Variants in GADL1 observed in about 807,000 individuals in gnomAD.
GADL1 encodes the protein GAD like acidic amino acid decarboxylase 1.
A neutral mutation model predicts 69.5 loss-of-function variants in GADL1; 71 were observed. The ratio of observed to expected loss-of-function variants is 1.02; its 90% confidence interval spans 0.84 to 1.25. The LOEUF (loss-of-function observed/expected upper bound fraction) is 1.25. Ranked by LOEUF, GADL1 falls within the 50% of genes most tolerant of loss-of-function variation. The probability of loss-of-function intolerance (pLI) is 0.00; values close to 1 mark genes in which losing one functional copy is unlikely to be tolerated. For synonymous variants in GADL1, 254 were observed against 214.4 expected (o/e 1.18, Z -1.62); for missense variants, 737 against 631.8 (o/e 1.17, Z -1.79).
chr3:30,866,715 C>T (rs1244871475), intron 1 of GADL1, among the ~76,000 whole-genome samples: 2 of 151,970 alleles, frequency 1.3e-5, no homozygotes, highest in African/African-American at 4.8e-5. Flanking sequence ...GTAGTTCAGC[C>T]CACACTGGGT....
At chr3:30,822,390 C>A (rs188155372) in intron 11 of GADL1, among the ~76,000 whole-genome samples, 430 of 152,036 alleles carry the variant, frequency 2.8e-3, no homozygotes, top group Admixed American at 5.5e-3. Context: ...CTGAGCTGGG[C>A]TGAAGGTGCT....
intron 13 of GADL1, among the ~76,000 whole-genome samples, chr3:30,778,474 G>C (rs968393070): frequency 7.9e-5 from 12 of 152,178 alleles, no homozygotes; most frequent in African/African-American, 2.9e-4. Flanking sequence ...GCACCTAGCA[G>C]GTTCTCTTTC....
intron 8 of GADL1, among the ~76,000 whole-genome samples, chr3:30,840,373 A>G (rs1235259138): frequency 1.3e-5 from 2 of 152,140 alleles, no homozygotes; most frequent in Non-Finnish European, 2.9e-5. Context: ...TCCATTTGCC[A>G]TCTTGGGAGA....
intron 11 of GADL1, among the ~76,000 whole-genome samples, chr3:30,825,237 ATAAG>A: frequency 6.6e-6 from 1 of 152,126 alleles, no homozygotes; most frequent in African/African-American, 2.4e-5. Flanking sequence ...TACTTAAAAA[ATAAG>A]CTTGCTATTT....
intron 14 of GADL1, among the ~76,000 whole-genome samples, chr3:30,763,255 T>C (rs944150295): frequency 6.6e-6 from 1 of 152,050 alleles, no homozygotes; most frequent in African/African-American, 2.4e-5. Context: ...TCCCAGCACT[T>C]TGGGAGTCCG....
chr3:30,775,401 T>A (rs1051397737), intron 14 of GADL1, among the ~76,000 whole-genome samples: 2 of 152,262 alleles, frequency 1.3e-5, no homozygotes. Flanking sequence ...CTACAGGTTA[T>A]AAATCATATA....
At chr3:30,788,591 G>A (rs1252316333) in intron 12 of GADL1, among the ~76,000 whole-genome samples, 1 of 152,130 alleles carries the variant, frequency 6.6e-6, no homozygotes, top group East Asian at 1.9e-4. Flanking sequence ...GCCTGACTCT[G>A]CTTTCACAAA....
intron 3 of GADL1, 128 bp downstream of exon 3, chr3:30,856,887 T>A: frequency 1.4e-6 from 1 of 725,784 alleles, no homozygotes; most frequent in Non-Finnish European, 2.2e-6. Flanking sequence ...TGCAAAAACA[T>A]CAGAACTACT....
chr3:30,808,553 T>C (rs1405176821), intron 11 of GADL1, among the ~76,000 whole-genome samples: 5 of 151,506 alleles, frequency 3.3e-5, no homozygotes, highest in Admixed American at 3.3e-4. Flanking sequence ...TGCTAAAGTA[T>C]AGGTCAATAC....
intron 14 of GADL1, among the ~76,000 whole-genome samples, chr3:30,728,985 T>C (rs965321861): frequency 2.0e-5 from 3 of 152,316 alleles, no homozygotes; most frequent in East Asian, 1.9e-4. Context: ...TAATAGAACA[T>C]GTATTTTTCA....
At chr3:30,786,919 G>T (rs578084396) in intron 12 of GADL1, among the ~76,000 whole-genome samples, 28 of 152,202 alleles carry the variant, frequency 1.8e-4, no homozygotes, top group African/African-American at 6.5e-4. Context: ...AAAGTAGGCT[G>T]ATTATCCTCA....
At chr3:30,807,747 G>A (rs996324290) in intron 11 of GADL1, among the ~76,000 whole-genome samples, 13 of 152,106 alleles carry the variant, frequency 8.5e-5, no homozygotes, top group Admixed American at 7.9e-4. Flanking sequence ...GTGAATGTGC[G>A]GCCGGGTGCA....
chr3:30,747,974 G>A lies in GADL1; in HGVS notation c.1393-19559C>T, dbSNP rs980126674. On this transcript the variant is annotated intron_variant, in intron 14 of 14. Transcript: ENST00000282538. ...TGAAACCATTCAATGGCTGAAAAATGCTTCCTGTCTGAATTAACCCCCCAA... is the reference window on the plus strand; with the variant it reads ...TGAAACCATTCAATGGCTGAAAAATACTTCCTGTCTGAATTAACCCCCCAA... Among the ~76,000 whole-genome samples, 5 of 152,192 alleles carry A rather than the reference G, an allele frequency of 3.3e-5. No homozygotes were observed. In the East Asian group the frequency reaches 9.6e-4, roughly 29 times the overall value.
intron 11 of GADL1, among the ~76,000 whole-genome samples, chr3:30,810,598 C>T (rs527598969): frequency 4.6e-5 from 7 of 152,128 alleles, no homozygotes; most frequent in East Asian, 1.9e-4. Context: ...TATTGCTTTA[C>T]GTAATAAGTT....
intron 14 of GADL1, among the ~76,000 whole-genome samples, chr3:30,753,713 T>G (rs1695892172): frequency 6.6e-6 from 1 of 152,158 alleles, no homozygotes; most frequent in South Asian, 2.1e-4. Flanking sequence ...GTGAATCCAG[T>G]GGGCACAAGT....
chr3:30,861,401 A>G (rs151172442), intron 2 of GADL1, among the ~76,000 whole-genome samples, 192 bp downstream of exon 2: 3 of 151,892 alleles, frequency 2.0e-5, no homozygotes, highest in African/African-American at 7.2e-5. Context: ...CAGAGTAAGG[A>G]GGCAACCCTT....
chr3:30,859,746 TCTGCAGG>T lies in GADL1; in HGVS notation c.210+1840_210+1846del, dbSNP rs898845167. On this transcript the variant is annotated intron_variant, in intron 2 of 14. Coordinates refer to ENST00000282538, the MANE Select transcript of GADL1 (RefSeq NM_207359.3). Reference sequence around the variant, plus strand: ...TCACTGCACCAAGCTTGGGTATATATCTGCAGGCTACCTTTTAATGGTGCTCTGTTGG... The same window carrying T: ...TCACTGCACCAAGCTTGGGTATATATCTACCTTTTAATGGTGCTCTGTTGG... 9.2e-5 allele frequency among the ~76,000 whole-genome samples: 14 copies of T among 152,024 alleles called. No homozygotes were observed. In the East Asian group the frequency reaches 2.1e-3, roughly 23 times the overall value.
rs901031572 is a variant in GADL1, at chr3:30,815,381, C to G, written c.1051-14293G>C. Among the ~76,000 whole-genome samples the G allele has an allele frequency of 1.3e-5, 2 of 152,294 alleles. 1 individual carries two copies. On this transcript the variant is annotated intron_variant, in intron 11 of 14. Coordinates refer to ENST00000282538, the MANE Select transcript of GADL1 (RefSeq NM_207359.3). ...TGATGACATTTACGATTCTCTGGCA[C>G]AATTCTAGGTCTCCAGGTATGAGAA...
intron 12 of GADL1, among the ~76,000 whole-genome samples, chr3:30,792,987 G>A (rs1433212865): frequency 6.6e-6 from 1 of 152,152 alleles, no homozygotes; most frequent in Non-Finnish European, 1.5e-5. Flanking sequence ...CAAATCAACA[G>A]TGTCTGCATA....
Sources: allele counts gnomAD v4.1 joint callset (sites outside exome capture counted in the v4.1 genomes callset), GRCh38; gene constraint gnomAD v4.1.1; transcripts MANE v1.5; gene names NCBI Gene and HGNC (gene_info 2026-07-23, HGNC 2026-07-21).